The following CLRN1 variants were observed in gnomAD, a reference collection of about 807,000 sequenced individuals.
CLRN1 encodes clarin 1, also known as clarin-1.
Under a neutral mutation model 18.7 loss-of-function variants are expected in CLRN1, and 15 were observed. The observed-to-expected ratio is 0.80, with a 90% CI of 0.54 to 1.23. The LOEUF (loss-of-function observed/expected upper bound fraction) is 1.23, where lower values mean the gene tolerates loss of function less well. CLRN1 is among the 50% of genes most tolerant of loss of function. The probability of loss-of-function intolerance (pLI) is 0.00; values close to 1 mark genes in which losing one functional copy is unlikely to be tolerated. For missense variants in CLRN1, 311 were observed against 277.5 expected, an observed-to-expected ratio of 1.12 and a Z score of -0.86; for synonymous variants, 104 against 102.9, an observed-to-expected ratio of 1.01 and a Z score of -0.07.
At chr3:150,955,924 A>AT (rs1217699944) in intron 1 of CLRN1, among the ~76,000 whole-genome samples, 3 of 152,120 alleles carry the variant, frequency 2.0e-5, no homozygotes. Flanking sequence ...ATTTTTCTTT[A>AT]TTTTTGTTCC....
Position 150,933,926 on chromosome 3 carries a change from T to C in CLRN1, c.434-5725A>G, listed in dbSNP as rs143179571. On this transcript the variant is annotated intron_variant, in intron 2 of 2. Transcript: ENST00000327047. ...TTACTTCTCTTTTCCTTCTGTGGCCTCTTTTCTAAGTTCTATGCTGAGAAA... is the reference window on the plus strand; with the variant it reads ...TTACTTCTCTTTTCCTTCTGTGGCCCCTTTTCTAAGTTCTATGCTGAGAAA... 5.7e-3 allele frequency among the ~76,000 whole-genome samples: 867 copies of C among 152,308 alleles called. 6 individuals carry two copies. Among genetic ancestry groups the C allele is most frequent in the Non-Finnish European group, 8.0e-3 (545 of 68,026 alleles).
At chr3:150,958,967 A>G (rs1453570468) in intron 1 of CLRN1, among the ~76,000 whole-genome samples, 1 of 152,236 alleles carries the variant, frequency 6.6e-6, no homozygotes, top group Non-Finnish European at 1.5e-5. Flanking sequence ...AGATGGTGGC[A>G]GTATCCTGGA....
intron 1 of CLRN1, among the ~76,000 whole-genome samples, chr3:150,971,927 A>T (rs1163295965): frequency 6.6e-6 from 1 of 152,240 alleles, no homozygotes; most frequent in Admixed American, 6.5e-5. Flanking sequence ...AGATCATTTT[A>T]AATTTCTATA....
At chr3:150,928,355 G>C (rs1181112519) in intron 2 of CLRN1, among the ~76,000 whole-genome samples, 154 bp from the exon 3 acceptor site, 1 of 152,198 alleles carries the variant, frequency 6.6e-6, no homozygotes, top group Non-Finnish European at 1.5e-5. Context: ...TCATGAGCCT[G>C]ATTCTTCAGT....
intron 1 of CLRN1, among the ~76,000 whole-genome samples, chr3:150,969,184 T>C (rs1715406792): frequency 6.6e-6 from 1 of 150,480 alleles, no homozygotes; most frequent in African/African-American, 2.4e-5. Context: ...TTTGGATATC[T>C]TGGGTTTAAA....
chr3:150,945,706 T>G, intron 1 of CLRN1: 4 of 1,188,846 alleles, frequency 3.4e-6, no homozygotes, highest in Non-Finnish European at 4.4e-6. Context: ...AAATGCACAT[T>G]AAAACTTTGA....
At chr3:150,928,279 C>T in intron 2 of CLRN1, 78 bp from the exon 3 acceptor site, 3 of 1,535,272 alleles carry the variant, frequency 2.0e-6, no homozygotes, top group Non-Finnish European at 2.7e-6. Context: ...ATGTGTAAAC[C>T]AAGGAATTCT....
At chr3:150,931,861 C>T (rs1220980459) in intron 2 of CLRN1, among the ~76,000 whole-genome samples, 1 of 152,142 alleles carries the variant, frequency 6.6e-6, no homozygotes, top group East Asian at 1.9e-4. Flanking sequence ...CAACACTGCT[C>T]CTGCTCCCAA....
chr3:150,928,990 C>G (rs1012452525), intron 2 of CLRN1, among the ~76,000 whole-genome samples: 11 of 152,088 alleles, frequency 7.2e-5, no homozygotes, highest in Non-Finnish European at 1.5e-5. Flanking sequence ...CATTTTGGAC[C>G]AATGTGGCCC....
At chr3:150,935,739 G>A (rs1187672829) in intron 2 of CLRN1, among the ~76,000 whole-genome samples, 1 of 151,258 alleles carries the variant, frequency 6.6e-6, no homozygotes, top group Admixed American at 6.6e-5. Flanking sequence ...CCCAATGGTT[G>A]AACTAGTTTA....
intron 1 of CLRN1, among the ~76,000 whole-genome samples, chr3:150,950,475 C>G (rs1477083333): frequency 6.6e-6 from 1 of 152,016 alleles, no homozygotes; most frequent in East Asian, 1.9e-4. Context: ...AAAAACAACC[C>G]CATTAAAAAG....
chr3:150,927,782 C>A lies in CLRN1; in HGVS notation c.*154G>T, dbSNP rs1325740087. 1 of 1,011,460 alleles carries A rather than the reference C, an allele frequency of 9.9e-7. No homozygotes were observed. Among genetic ancestry groups the A allele is most frequent in the Admixed American group, 2.0e-5 (1 of 50,914 alleles). The allele number at this position is 1,011,460 out of a possible 1,614,324, so 62.7% of individuals were successfully genotyped here. ...CCTTCCTTCTGCTTCCCTTACTTTC[C>A]AGCCTGTATCCTTAGTACGTAATTT... On this transcript the variant is annotated 3_prime_UTR_variant, in exon 3 of 3. Coordinates refer to ENST00000327047, the MANE Select transcript of CLRN1 (RefSeq NM_174878.3).
At chr3:150,932,166 T>G (rs941845218) in intron 2 of CLRN1, among the ~76,000 whole-genome samples, 1 of 152,204 alleles carries the variant, frequency 6.6e-6, no homozygotes, top group African/African-American at 2.4e-5. Context: ...ACGTTTGTAA[T>G]GTGCTAGACA....
intron 1 of CLRN1, among the ~76,000 whole-genome samples, chr3:150,956,708 G>A (rs1424477944): frequency 6.6e-6 from 1 of 152,122 alleles, no homozygotes; most frequent in Non-Finnish European, 1.5e-5. Context: ...TATATTTTGG[G>A]CTGTGAGCCT....
intron 1 of CLRN1, 70 bp from the exon 2 acceptor site, chr3:150,941,831 A>AAGAGAGATTTGATTTT: frequency 7.4e-7 from 1 of 1,345,340 alleles, no homozygotes; most frequent in Non-Finnish European, 1.1e-6. Flanking sequence ...AATTTTAAAA[A>AAGAGAGATTTGATTTT]TCAAATCTCT....
intron 2 of CLRN1, among the ~76,000 whole-genome samples, chr3:150,936,998 T>C (rs1244827439): frequency 6.6e-6 from 1 of 152,202 alleles, no homozygotes; most frequent in African/African-American, 2.4e-5. Flanking sequence ...CTCTGCTATC[T>C]TTCTCTTTCA....
At chr3:150,964,969 C>A (rs943377165) in intron 1 of CLRN1, among the ~76,000 whole-genome samples, 1 of 151,990 alleles carries the variant, frequency 6.6e-6, no homozygotes, top group South Asian at 2.1e-4. Flanking sequence ...TTGATGGGTG[C>A]AACAAACCAT....
chr3:150,942,731 C>T (rs1258507988), intron 1 of CLRN1: 1 of 318,354 alleles, frequency 3.1e-6, no homozygotes, highest in Non-Finnish European at 6.4e-6. Context: ...GCTTTTCCCC[C>T]TTTTACGCAT....
chr3:150,943,795 G>T, intron 1 of CLRN1: 1 of 1,614,012 alleles, frequency 6.2e-7, no homozygotes, highest in Middle Eastern at 1.7e-4. Context: ...ACCCTCTGGG[G>T]CCCTGGGGTT....
Sources: gnomAD v4.1 joint callset for allele counts (sites outside exome capture counted in the v4.1 genomes callset) on GRCh38, gnomAD v4.1.1 for gene constraint, MANE v1.5 for transcripts, NCBI Gene and HGNC (gene_info 2026-07-23, HGNC 2026-07-21) for gene names.